TIAM2: variants seen among roughly 807,000 people sequenced by gnomAD.
TIAM2 encodes the protein rho guanine nucleotide exchange factor TIAM2.
In TIAM2, 80 loss-of-function variants were observed where a neutral mutation model predicts 152.9. That is an observed-to-expected ratio of 0.52 (90% CI 0.44 to 0.63). TIAM2 has a LOEUF of 0.63. TIAM2 is among the 30% of genes least tolerant of loss of function. TIAM2 has a pLI of 0.00. For synonymous variants in TIAM2, 804 were observed against 838.0 expected (o/e 0.96, Z 0.70); for missense variants, 1,965 against 2,120.1 (o/e 0.93, Z 1.44).
intron 1 of TIAM2, among the ~76,000 whole-genome samples, chr6:155,015,123 A>AG (rs1362060046): frequency 6.6e-6 from 1 of 152,092 alleles, no homozygotes; most frequent in Admixed American, 6.6e-5. Flanking sequence ...GAGTCCGCAC[A>AG]GGGGGGATAA....
rs1182180589 is a variant in TIAM2 at position 155,254,048 on chromosome 6, A to C, written c.4301A>C (p.Gln1434Pro). ...EIEGRPETIF[Q>P]LCCSDSESKT... is the part of the protein sequence containing the mutation. Reference sequence around the variant, plus strand: ...GAAGGACGGCCAGAAACCATCTTTCAGTTGTGTTGCAGGTATGACTGACTT... The same window carrying C: ...GAAGGACGGCCAGAAACCATCTTTCCGTTGTGTTGCAGGTATGACTGACTT... Residue 1434 changes from glutamine to proline, a missense_variant, in exon 25 of 27, where the codon CAG (glutamine) becomes CCG (proline). Physicochemically the swap from Gln to Pro is moderately conservative, Grantham distance 76. This residue lies in a region of TIAM2 where 935 missense variants were observed against 980.0 expected (regional missense o/e 0.95). Transcript: ENST00000682666. The C allele has an allele frequency of 1.9e-6, 3 of 1,614,016 alleles. No individual in the cohort carries two copies. The highest frequency in any genetic ancestry group is 2.5e-6 in the Non-Finnish European group (3 of 1,179,994).
intron 7 of TIAM2, 142 bp from the exon 8 acceptor site, chr6:155,164,273 G>A (rs1780359649): frequency 3.0e-6 from 2 of 675,284 alleles, no homozygotes; most frequent in Non-Finnish European, 4.7e-6. Context: ...ATTGAGATGG[G>A]GTGAGCAGGA....
chr6:155,167,526 A>C (rs1039931740), intron 9 of TIAM2, among the ~76,000 whole-genome samples: 1 of 152,034 alleles, frequency 6.6e-6, no homozygotes, highest in Non-Finnish European at 1.5e-5. Context: ...CCAGCCTGTA[A>C]TTTAATTTAA....
At position 155,257,550 on chromosome 6, in the gene TIAM2, G is replaced by A. The variant is rs1048587; in HGVS notation, c.*429G>A. ...TTAAGTTATTTTAATGTGGTTTAGG[G>A]GCAAAATGTGCAGATACTTCATTTT... On this transcript the variant is annotated 3_prime_UTR_variant, in exon 27 of 27. Transcript: ENST00000682666. 65,571 of 401,520 alleles carry A rather than the reference G, an allele frequency of 0.16. 6,190 individuals carry two copies. Among genetic ancestry groups the A allele is most frequent in the Non-Finnish European group, 0.2 (45,869 of 229,102 alleles). The allele number at this position is 401,520 out of a possible 1,614,324, so 24.9% of individuals were successfully genotyped here. A position where few individuals can be genotyped will look rare whatever the true frequency, so the allele number is the denominator to read the frequency against.
chr6:155,146,782 T>G (rs1028589406), intron 6 of TIAM2, among the ~76,000 whole-genome samples: 14 of 150,872 alleles, frequency 9.3e-5, no homozygotes, highest in African/African-American at 3.4e-4. Flanking sequence ...TTTTTTTTTT[T>G]TTTTTTTTGT....
chr6:155,050,588 A>C (rs983423313), intron 1 of TIAM2, among the ~76,000 whole-genome samples: 12 of 152,196 alleles, frequency 7.9e-5, no homozygotes, highest in African/African-American at 1.4e-4. Flanking sequence ...TCACACCTGC[A>C]GCCAAGCGAG....
chr6:155,027,061 A>G (rs1224674269), intron 1 of TIAM2, among the ~76,000 whole-genome samples: 3 of 151,346 alleles, frequency 2.0e-5, no homozygotes, highest in Non-Finnish European at 4.4e-5. Flanking sequence ...TTTGAGATGG[A>G]GTCTTGCTCT....
chr6:155,027,236 G>A (rs559341626), intron 1 of TIAM2, among the ~76,000 whole-genome samples: 2 of 151,332 alleles, frequency 1.3e-5, no homozygotes, highest in South Asian at 4.2e-4. Context: ...ATGTTGGCCA[G>A]GATGGTCTCT....
Position 155,130,150 on chromosome 6 carries a change from G to A in TIAM2, c.927G>A (p.Gly309=), listed in dbSNP as rs879529770. The change falls in exon 4 of 27, where the codon GGG becomes GGA. Residue 309 remains glycine, a synonymous_variant. Coordinates refer to ENST00000682666, the MANE Select transcript of TIAM2 (RefSeq NM_012454.4). ...LRELYKDANL[G]SLSPSGIRLS... ...AACTGTACAAAGATGCCAACCTGGG[G>A]AGCCTCTCCCCCTCAGGTATCCGCC... 34 of 1,614,020 alleles carry A rather than the reference G, an allele frequency of 2.1e-5. No homozygotes were observed. Among genetic ancestry groups the A allele is most frequent in the Non-Finnish European group, 2.7e-5 (32 of 1,180,042 alleles).
At chr6:155,147,764 C>T (rs1359043302) in intron 6 of TIAM2, among the ~76,000 whole-genome samples, 3 of 152,178 alleles carry the variant, frequency 2.0e-5, no homozygotes, top group African/African-American at 7.2e-5. Flanking sequence ...GGATTACAGG[C>T]GTGAGCCACC....
intron 14 of TIAM2, among the ~76,000 whole-genome samples, chr6:155,194,004 G>A (rs1562349384): frequency 6.6e-6 from 1 of 152,196 alleles, no homozygotes; most frequent in Non-Finnish European, 1.5e-5. Context: ...GACCCCAGGA[G>A]TCTACAGACC....
intron 1 of TIAM2, among the ~76,000 whole-genome samples, chr6:155,035,824 C>T (rs1354747162): frequency 6.6e-6 from 1 of 152,218 alleles, no homozygotes; most frequent in Non-Finnish European, 1.5e-5. Context: ...GTCATGCACA[C>T]AGCCCTTGCT....
chr6:155,237,402 G>A (rs1030934454), intron 15 of TIAM2, among the ~76,000 whole-genome samples: 2 of 152,206 alleles, frequency 1.3e-5, no homozygotes, highest in African/African-American at 4.8e-5. Flanking sequence ...CCAGGCACAG[G>A]GTGCAAGATG....
At chr6:155,066,550 G>A (rs1464378473) in intron 1 of TIAM2, among the ~76,000 whole-genome samples, 1 of 152,104 alleles carries the variant, frequency 6.6e-6, no homozygotes, top group East Asian at 1.9e-4. Context: ...CAATTTTATG[G>A]TCTTTCTGCA....
intron 4 of TIAM2, among the ~76,000 whole-genome samples, chr6:155,132,131 T>C (rs1342439081): frequency 2.6e-5 from 4 of 150,984 alleles, no homozygotes; most frequent in South Asian, 4.2e-4. Flanking sequence ...TTGTTGTTGT[T>C]TTGTTATTTG....
intron 2 of TIAM2, among the ~76,000 whole-genome samples, chr6:155,091,196 G>A (rs1583184924): frequency 6.6e-6 from 1 of 152,046 alleles, no homozygotes; most frequent in Non-Finnish European, 1.5e-5. Flanking sequence ...TCTAAAGGAC[G>A]CCCAGCCACT....
intron 1 of TIAM2, chr6:155,013,743 G>A (rs1778526937): frequency 6.6e-6 from 1 of 152,156 alleles, no homozygotes; most frequent in Non-Finnish European, 1.5e-5. Flanking sequence ...CAGGGATGAT[G>A]GATTGTTGAC....
intron 1 of TIAM2, among the ~76,000 whole-genome samples, chr6:155,047,701 GAGAGCGAGAGAGAGAGAGAGAGAGCGAGA>G (rs1777220653): frequency 5.5e-5 from 1 of 18,158 alleles, no homozygotes; most frequent in African/African-American, 2.5e-4. Context: ...GAGAGAGAGA[GAGAGCGAGAGAGAGAGAGAGAGAGCGAGA>G]GAGAGAGAGA....
chr6:155,067,788 T>C (rs1395963874), intron 1 of TIAM2, among the ~76,000 whole-genome samples: 2 of 152,014 alleles, frequency 1.3e-5, no homozygotes, highest in Admixed American at 1.3e-4. Flanking sequence ...ACTACAGGTA[T>C]GCACCACCAC....
Sources: gnomAD v4.1 joint callset for allele counts (sites outside exome capture counted in the v4.1 genomes callset) on GRCh38, gnomAD v4.1.1 for gene constraint, gnomAD v4.1.1 regional missense constraint, MANE v1.5 for transcripts, NCBI Gene and HGNC (gene_info 2026-07-23, HGNC 2026-07-21) for gene names.